The following AZGP1 variants were observed in gnomAD, a reference collection of about 807,000 sequenced individuals.
The protein encoded by AZGP1 is zinc-alpha-2-glycoprotein.
Under a neutral mutation model 31.5 loss-of-function variants are expected in AZGP1, and 28 were observed. The ratio of observed to expected loss-of-function variants is 0.89; its 90% confidence interval spans 0.66 to 1.22. The LOEUF is 1.22. AZGP1 is among the 50% of genes most tolerant of loss of function. The pLI, the probability that AZGP1 is intolerant of heterozygous loss-of-function variation, is 0.00. For synonymous variants in AZGP1, 135 were observed against 145.4 expected (o/e 0.93, Z 0.51); for missense variants, 361 against 371.8 (o/e 0.97, Z 0.24).
rs1252188137 is a variant in AZGP1, at chr7:99,971,737, T to G, written c.337+9A>C. On this transcript the variant is annotated intron_variant, in intron 2 of 3. Transcript: ENST00000292401. ...GACCTTCCACCCCTGTGGTCTGTTA[T>G]TCACTGACCGTTACTGTCGTTGTAA... 2 of 1,612,740 alleles carry G rather than the reference T, an allele frequency of 1.2e-6. No individual in the cohort carries two copies. Among genetic ancestry groups the G allele is most frequent in the Non-Finnish European group, 1.7e-6 (2 of 1,179,206 alleles).
chr7:99,970,533 A>G (rs1789560621), intron 2 of AZGP1, among the ~76,000 whole-genome samples: 1 of 151,926 alleles, frequency 6.6e-6, no homozygotes, highest in Admixed American at 6.6e-5. Context: ...GTGAGCCACC[A>G]AGCCCTGCCT....
At chr7:99,972,942 C>T (rs192404966) in intron 1 of AZGP1, among the ~76,000 whole-genome samples, 1 of 152,236 alleles carries the variant, frequency 6.6e-6, no homozygotes, top group East Asian at 1.9e-4. Flanking sequence ...ATGGTGAAAC[C>T]CCGTCTCTAC....
intron 1 of AZGP1, 98 bp downstream of exon 1, chr7:99,975,847 G>T (rs946880119): frequency 2.2e-6 from 3 of 1,343,630 alleles, no homozygotes; most frequent in Admixed American, 1.7e-5. Context: ...GTATGCCAGG[G>T]TATCCCAGCT....
intron 1 of AZGP1, among the ~76,000 whole-genome samples, chr7:99,973,905 C>CA (rs199566652): frequency 0.074 from 4,274 of 57,914 alleles, 219 homozygotes; most frequent in African/African-American, 0.21. Flanking sequence ...AACTCTGTCA[C>CA]AAAAAAAAAA....
At chr7:99,969,610 T>C (rs2115679819) in intron 2 of AZGP1, among the ~76,000 whole-genome samples, 1 of 151,654 alleles carries the variant, frequency 6.6e-6, no homozygotes, top group Non-Finnish European at 1.5e-5. Flanking sequence ...AATATGAATA[T>C]ATTTCTATCT....
Position 99,971,772 on chromosome 7 carries a change from A to G in AZGP1, c.311T>C (p.Ile104Thr), listed in dbSNP as rs771725946. The change falls in exon 2 of 4, where the codon ATC (isoleucine) becomes ACC (threonine). Residue 104 changes from isoleucine to threonine, a missense_variant. Ile to Thr is a moderately conservative substitution (Grantham distance 89, BLOSUM62 -1). Coordinates refer to ENST00000292401, the MANE Select transcript of AZGP1 (RefSeq NM_001185.4). Reference protein sequence around the residue: ...EDIFMETLKDIVEYYNDSNGS... With the variant: ...EDIFMETLKDTVEYYNDSNGS... The stretch of plus-strand genomic sequence containing the variant: ...GTTACTGTCGTTGTAATACTCCACG[A>G]TGTCTTTCAGGGTCTCCATAAAGAT... 1.2e-6 allele frequency: 2 copies of G among 1,613,958 alleles called. No individual in the cohort carries two copies. The highest frequency in any genetic ancestry group is 8.5e-7 in the Non-Finnish European group (1 of 1,179,980).
At chr7:99,975,008 T>C (rs1308300272) in intron 1 of AZGP1, among the ~76,000 whole-genome samples, 1 of 152,172 alleles carries the variant, frequency 6.6e-6, no homozygotes, top group Non-Finnish European at 1.5e-5. Context: ...CTCTGAAGAT[T>C]TAGGACTTGT....
At chr7:99,973,327 C>A (rs2115688408) in intron 1 of AZGP1, among the ~76,000 whole-genome samples, 1 of 152,168 alleles carries the variant, frequency 6.6e-6, no homozygotes, top group East Asian at 1.9e-4. Context: ...CATAATAGTT[C>A]CATAATTATT....
chr7:99,968,605 A>G (rs989269043), intron 2 of AZGP1, 175 bp from the exon 3 acceptor site: 14 of 779,878 alleles, frequency 1.8e-5, no homozygotes, highest in Non-Finnish European at 2.8e-5. Flanking sequence ...CAACAGACAG[A>G]GAGGGGCTAA....
intron 2 of AZGP1, among the ~76,000 whole-genome samples, chr7:99,970,192 G>A (rs1306218924): frequency 6.6e-6 from 1 of 152,148 alleles, no homozygotes; most frequent in Admixed American, 6.6e-5. Flanking sequence ...GATGGGCCTG[G>A]CACAAAGTAA....
chr7:99,966,949 C>A lies in AZGP1; in HGVS notation c.*54G>T, dbSNP rs1789488801. On this transcript the variant is annotated 3_prime_UTR_variant, in exon 4 of 4. Coordinates refer to ENST00000292401, the MANE Select transcript of AZGP1 (RefSeq NM_001185.4). ...TCTGTGGTTCAGCTCCCACATCAGGCAGGAAGGGCAGCTACTGGGTCTGAG... is the reference window on the plus strand; with the variant it reads ...TCTGTGGTTCAGCTCCCACATCAGGAAGGAAGGGCAGCTACTGGGTCTGAG... 2 of 1,580,506 alleles carry A rather than the reference C, an allele frequency of 1.3e-6. No homozygotes were observed. The highest frequency in any genetic ancestry group is 3.5e-5 in the Admixed American group (2 of 57,696).
intron 1 of AZGP1, among the ~76,000 whole-genome samples, 182 bp downstream of exon 1, chr7:99,975,763 C>G (rs79622998): frequency 7.2e-5 from 11 of 152,106 alleles, no homozygotes; most frequent in East Asian, 1.9e-4. Context: ...TTCGGGCCAG[C>G]GCAGAGGCTC....
chr7:99,972,142 G>T, intron 1 of AZGP1, 136 bp from the exon 2 acceptor site: 1 of 978,998 alleles, frequency 1.0e-6, no homozygotes, highest in Non-Finnish European at 1.5e-6. Flanking sequence ...TCACACCACT[G>T]GAGGCTCACT....
At chr7:99,968,486 A>G in intron 2 of AZGP1, 56 bp from the exon 3 acceptor site, 1 of 1,587,446 alleles carries the variant, frequency 6.3e-7, no homozygotes, top group Non-Finnish European at 8.5e-7. Context: ...AAATTTATCA[A>G]AATAACTCTT....
chr7:99,966,747 T>C lies in AZGP1; in HGVS notation c.*256A>G. The C allele has an allele frequency of 1.8e-6, 1 of 559,834 alleles. No homozygotes were observed. Among genetic ancestry groups the C allele is most frequent in the Non-Finnish European group, 3.1e-6 (1 of 317,646 alleles). 34.7% of individuals were successfully genotyped at this position (559,834 alleles called of 1,614,324 possible). On this transcript the variant is annotated 3_prime_UTR_variant, in exon 4 of 4. Coordinates refer to ENST00000292401, the MANE Select transcript of AZGP1 (RefSeq NM_001185.4). ...CTCTGTTATGCTAGGCAAGGAGGGATGATTATTTATTAGCTTCTACAGATT... is the reference window on the plus strand; with the variant it reads ...CTCTGTTATGCTAGGCAAGGAGGGACGATTATTTATTAGCTTCTACAGATT...
chr7:99,975,683 G>T (rs572642239), intron 1 of AZGP1, among the ~76,000 whole-genome samples: 1 of 152,134 alleles, frequency 6.6e-6, no homozygotes, highest in Non-Finnish European at 1.5e-5. Flanking sequence ...CAAGCAGGTC[G>T]CTTGGTCTTT....
At chr7:99,968,639 G>A (rs1306918193) in intron 2 of AZGP1, 2 of 632,590 alleles carry the variant, frequency 3.2e-6, no homozygotes, top group Non-Finnish European at 5.3e-6. Flanking sequence ...GGCATTTCAG[G>A]TTTGTCTCAG....
At chr7:99,967,790 G>A in intron 3 of AZGP1, 1 of 526,768 alleles carries the variant, frequency 1.9e-6, no homozygotes, top group Non-Finnish European at 3.3e-6. Flanking sequence ...TCATTGTAGA[G>A]ATAAAAAACG....
Position 99,971,948 on chromosome 7 carries a change from G to C in AZGP1, c.135C>G (p.Pro45=). The C allele has an allele frequency of 6.2e-7, 1 of 1,614,118 alleles. No homozygotes were observed. Among genetic ancestry groups the C allele is most frequent in the Non-Finnish European group, 8.5e-7 (1 of 1,179,982 alleles). The change falls in exon 2 of 4, where the codon CCC becomes CCG. Residue 45 remains proline (P), a synonymous_variant. Coordinates refer to ENST00000292401, the MANE Select transcript of AZGP1 (RefSeq NM_001185.4). ...TGLSKHVEDV[P]AFQALGSLND... is the part of the protein sequence containing the mutation. ...TGAGTGAGCCAAGGGCCTGAAACGC[G>C]GGGACGTCTTCAACATGCTTGGACA...
Sources: gnomAD v4.1 joint callset for allele counts (sites outside exome capture counted in the v4.1 genomes callset) on GRCh38, gnomAD v4.1.1 for gene constraint, MANE v1.5 for transcripts, NCBI Gene and HGNC (gene_info 2026-07-23, HGNC 2026-07-21) for gene names.